Variants in NOX4 observed in about 807,000 individuals in gnomAD.
NOX4 encodes the protein kidney oxidase-1.
NOX4 carries 69 observed loss-of-function variants against 87.6 expected under a neutral mutation model. The observed-to-expected ratio is 0.79, with a 90% CI of 0.65 to 0.96. The LOEUF is 0.96. Ranked by LOEUF, NOX4 falls within the 40% of genes least tolerant of loss-of-function variation. The pLI, the probability that NOX4 is intolerant of heterozygous loss-of-function variation, is 0.00. For synonymous variants in NOX4, 275 were observed against 238.2 expected, an observed-to-expected ratio of 1.15 and a Z score of -1.42; for missense variants, 680 against 681.5, an observed-to-expected ratio of 1.00 and a Z score of 0.02.
intron 3 of NOX4, among the ~76,000 whole-genome samples, chr11:89,451,184 G>T (rs556364318): frequency 1.3e-5 from 2 of 151,904 alleles, no homozygotes; most frequent in Non-Finnish European, 2.9e-5. Flanking sequence ...TGCATGTTGT[G>T]CACATGTACC....
intron 6 of NOX4, among the ~76,000 whole-genome samples, chr11:89,438,890 A>ATATATTATATATATAATATATAATATAT (rs1944308392): frequency 5.6e-5 from 3 of 53,688 alleles, no homozygotes; most frequent in Non-Finnish European, 8.6e-5. Context: ...ATAATATATT[A>ATATATTATATATATAATATATAATATAT]TATATTATAT....
the NOX4 span, among the ~76,000 whole-genome samples, chr11:89,552,248 T>A: frequency 6.6e-6 from 1 of 152,198 alleles, no homozygotes; most frequent in Non-Finnish European, 1.5e-5. Context: ...AGAAGAATCA[T>A]GTAACTGTTG....
chr11:89,467,474 T>C (rs1044410870), intron 2 of NOX4, among the ~76,000 whole-genome samples: 8 of 152,102 alleles, frequency 5.3e-5, no homozygotes, highest in African/African-American at 1.9e-4. Context: ...GTGTGGCTTA[T>C]AAACAACAAA....
chr11:89,472,142 A>G (rs947392280), intron 2 of NOX4, among the ~76,000 whole-genome samples: 1 of 152,220 alleles, frequency 6.6e-6, no homozygotes, highest in African/African-American at 2.4e-5. Flanking sequence ...ATGAACAATA[A>G]TTGAAGCAAT....
At chr11:89,410,680 G>C (rs1942431678) in intron 8 of NOX4, among the ~76,000 whole-genome samples, 1 of 152,150 alleles carries the variant, frequency 6.6e-6, no homozygotes, top group Non-Finnish European at 1.5e-5. Context: ...TTTAGACCCA[G>C]TACTAGCCAA....
intron 13 of NOX4, among the ~76,000 whole-genome samples, chr11:89,351,726 A>T (rs1946462261): frequency 6.6e-6 from 1 of 152,224 alleles, no homozygotes; most frequent in South Asian, 2.1e-4. Flanking sequence ...CTGTTTATAG[A>T]TAGCATGGTT....
chr11:89,469,583 A>G (rs550503324), intron 2 of NOX4, among the ~76,000 whole-genome samples: 2 of 152,204 alleles, frequency 1.3e-5, no homozygotes, highest in African/African-American at 2.4e-5. Context: ...ATCCAGTTCA[A>G]CCTTCTTTTT....
intron 12 of NOX4, among the ~76,000 whole-genome samples, chr11:89,362,829 CAT>C (rs1302300078): frequency 6.6e-6 from 1 of 152,044 alleles, no homozygotes; most frequent in Non-Finnish European, 1.5e-5. Context: ...AACACACACA[CAT>C]GATGCTTGAA....
intron 2 of NOX4, among the ~76,000 whole-genome samples, chr11:89,453,092 A>C (rs930245993): frequency 2.6e-5 from 4 of 152,178 alleles, no homozygotes; most frequent in African/African-American, 9.7e-5. Flanking sequence ...ATTTTGAAAA[A>C]TACAATACAC....
At chr11:89,419,305 T>C (rs1942960201) in intron 8 of NOX4, among the ~76,000 whole-genome samples, 1 of 152,072 alleles carries the variant, frequency 6.6e-6, no homozygotes, top group African/African-American at 2.4e-5. Context: ...ACTTTATTTG[T>C]ATAACCAAAA....
intron 8 of NOX4, among the ~76,000 whole-genome samples, chr11:89,406,888 TG>T (rs1311980616): frequency 5.3e-5 from 8 of 152,094 alleles, no homozygotes; most frequent in African/African-American, 1.9e-4. Flanking sequence ...TAATGAACTT[TG>T]ATTATAAAAT....
the NOX4 span, among the ~76,000 whole-genome samples, chr11:89,580,246 A>G: frequency 1.3e-5 from 2 of 152,126 alleles, no homozygotes; most frequent in African/African-American, 4.8e-5. Context: ...GTGCAGTGGC[A>G]TGATTATAGC....
chr11:89,354,899 C>T (rs1937891989), intron 13 of NOX4, 63 bp downstream of exon 13: 5 of 1,036,974 alleles, frequency 4.8e-6, no homozygotes, highest in Non-Finnish European at 7.1e-6. Context: ...TTTTGCCTGC[C>T]CAAATCTCTC....
the NOX4 span, among the ~76,000 whole-genome samples, chr11:89,526,273 T>G: frequency 6.6e-6 from 1 of 152,192 alleles, no homozygotes. Flanking sequence ...ATAATAGTTG[T>G]ACACATTTAT....
the NOX4 span, among the ~76,000 whole-genome samples, chr11:89,559,856 T>C: frequency 2.6e-5 from 4 of 152,236 alleles, no homozygotes; most frequent in African/African-American, 9.6e-5. Context: ...AGACAATACA[T>C]GAGAAGTCTC....
intron 7 of NOX4, 134 bp from the exon 8 acceptor site, chr11:89,422,116 C>A (rs181130279): frequency 2.0e-6 from 1 of 496,592 alleles, no homozygotes; most frequent in Non-Finnish European, 3.6e-6. Flanking sequence ...TATTAATCTA[C>A]TAATACCAAA....
At position 89,326,579 on chromosome 11, in the gene NOX4, T is replaced by G; in HGVS notation, c.*177A>C. The G allele has an allele frequency of 2.1e-6, 1 of 472,460 alleles. No individual in the cohort carries two copies. Among genetic ancestry groups the G allele is most frequent in the Non-Finnish European group, 3.7e-6 (1 of 271,146 alleles). The allele number at this position is 472,460 out of a possible 1,614,324, so 29.3% of individuals were successfully genotyped here. On this transcript the variant is annotated 3_prime_UTR_variant, in exon 18 of 18. Transcript: ENST00000263317. Reference sequence around the variant, plus strand: ...TTCAGGGTCTCTTTGGTTTCCAGATTAAACATGTAATGTGACGGTCATCTT... The same window carrying G: ...TTCAGGGTCTCTTTGGTTTCCAGATGAAACATGTAATGTGACGGTCATCTT...
At chr11:89,572,994 T>C in the NOX4 span, among the ~76,000 whole-genome samples, 1 of 152,154 alleles carries the variant, frequency 6.6e-6, no homozygotes, top group African/African-American at 2.4e-5. Context: ...TCAGCATTTA[T>C]TCCTCTTTTA....
chr11:89,364,409 G>T (rs568243272), intron 12 of NOX4, among the ~76,000 whole-genome samples: 1 of 151,964 alleles, frequency 6.6e-6, no homozygotes, highest in Admixed American at 6.6e-5. Context: ...AATTCTAGAA[G>T]AAAATAAAAT....
Sources: gnomAD v4.1 joint callset for allele counts (sites outside exome capture counted in the v4.1 genomes callset) on GRCh38, gnomAD v4.1.1 for gene constraint, MANE v1.5 for transcripts, NCBI Gene and HGNC (gene_info 2026-07-23, HGNC 2026-07-21) for gene names.